The following CCSER1 variants were observed in gnomAD, a reference collection of about 807,000 sequenced individuals.
The protein encoded by CCSER1 is coiled-coil serine rich protein 1, also known as serine-rich coiled-coil domain-containing protein 1.
A neutral mutation model predicts 82.0 loss-of-function variants in CCSER1; 41 were observed. The observed-to-expected ratio is 0.50, with a 90% CI of 0.39 to 0.65. The LOEUF (loss-of-function observed/expected upper bound fraction) is 0.65. Ranked by LOEUF, CCSER1 falls within the 30% of genes least tolerant of loss-of-function variation. The pLI is 0.00. For synonymous variants in CCSER1, 414 were observed against 383.9 expected (o/e 1.08, Z -0.92); for missense variants, 1,119 against 1,064.2 (o/e 1.05, Z -0.72).
At chr4:91,164,392 C>T (rs1174301125) in intron 10 of CCSER1, among the ~76,000 whole-genome samples, 1 of 152,118 alleles carries the variant, frequency 6.6e-6, no homozygotes, top group Non-Finnish European at 1.5e-5. Flanking sequence ...CTTGGTGAAT[C>T]TGACAATTAT....
intron 1 of CCSER1, among the ~76,000 whole-genome samples, chr4:90,234,859 C>A (rs116540703): frequency 1.3e-5 from 2 of 152,114 alleles, no homozygotes; most frequent in Non-Finnish European, 2.9e-5. Context: ...TTAGTTTTAA[C>A]CCAGTTATGG....
chr4:90,970,663 T>A (rs1253574793), intron 9 of CCSER1, among the ~76,000 whole-genome samples: 1 of 151,970 alleles, frequency 6.6e-6, no homozygotes, highest in Admixed American at 6.6e-5. Flanking sequence ...ACCTATGACA[T>A]CTTTCAAGAT....
intron 9 of CCSER1, among the ~76,000 whole-genome samples, chr4:91,005,903 GCTCT>G (rs1378876606): frequency 6.6e-6 from 1 of 152,108 alleles, no homozygotes; most frequent in East Asian, 1.9e-4. Flanking sequence ...TTACTTCTGA[GCTCT>G]CTATTCTGTT....
chr4:90,324,652 T>A (rs1442920699), intron 3 of CCSER1, among the ~76,000 whole-genome samples: 4 of 151,140 alleles, frequency 2.6e-5, no homozygotes, highest in East Asian at 1.9e-4. Flanking sequence ...TTTCTTTTGC[T>A]GTGCAGAAGC....
intron 9 of CCSER1, among the ~76,000 whole-genome samples, chr4:91,085,040 T>C (rs1184196277): frequency 2.6e-5 from 4 of 152,024 alleles, no homozygotes; most frequent in Admixed American, 2.0e-4. Flanking sequence ...TAGTATCTTC[T>C]TAAATTCAAA....
intron 8 of CCSER1, among the ~76,000 whole-genome samples, chr4:90,889,064 C>T (rs187040186): frequency 1.5e-4 from 23 of 152,010 alleles, no homozygotes; most frequent in Admixed American, 2.0e-4. Context: ...GGTAAAAGAA[C>T]GGAAGAAATC....
intron 9 of CCSER1, among the ~76,000 whole-genome samples, chr4:91,027,481 T>C (rs1192612872): frequency 2.0e-5 from 3 of 152,058 alleles, no homozygotes; most frequent in African/African-American, 7.2e-5. Context: ...AGTTTTTCCA[T>C]CAATAAAGAC....
chr4:91,092,762 T>C lies in CCSER1; in HGVS notation c.2217+6768T>C, dbSNP rs570614053. ...CTGCCTGAAGAAAGTCTTTTTCCTC[T>C]TTAGAAGAAGTAGGCACCAGATCAG... On this transcript the variant is annotated intron_variant, in intron 10 of 10. Coordinates refer to ENST00000509176, the MANE Select transcript of CCSER1 (RefSeq NM_001145065.2). Among the ~76,000 whole-genome samples the C allele has an allele frequency of 3.9e-5, 6 of 152,246 alleles. No individual in the cohort carries two copies. The East Asian group carries it at 1.2e-3, about 30-fold the overall frequency.
chr4:91,178,638 T>G (rs189629766), intron 10 of CCSER1, among the ~76,000 whole-genome samples: 2 of 152,314 alleles, frequency 1.3e-5, no homozygotes. Flanking sequence ...ACCCTACCTT[T>G]TTTTATTTTC....
At chr4:91,549,411 GC>G (rs1168056306) in intron 10 of CCSER1, among the ~76,000 whole-genome samples, 1 of 152,070 alleles carries the variant, frequency 6.6e-6, no homozygotes, top group Non-Finnish European at 1.5e-5. Context: ...CTTTTAGTGT[GC>G]TTTGTAATTT....
chr4:91,049,131 C>T (rs1013758553), intron 9 of CCSER1, among the ~76,000 whole-genome samples: 8 of 151,992 alleles, frequency 5.3e-5, no homozygotes, highest in Non-Finnish European at 1.2e-4. Flanking sequence ...AATATTTATC[C>T]ATTTAATAAA....
rs561572362 is a variant in CCSER1, at chr4:90,871,360, G to T, written c.2095-52010G>T. Among the ~76,000 whole-genome samples, 45 of 151,624 alleles carry T rather than the reference G, an allele frequency of 3.0e-4. No homozygotes were observed. The South Asian group carries it at 9.4e-3, about 32-fold the overall frequency. The stretch of plus-strand genomic sequence containing the variant: ...CTTGCGCTGTATCCCATAGATGTTG[G>T]TATGTTGATCCATGTTCATCTGTTT... On this transcript the variant is annotated intron_variant, in intron 8 of 10. Coordinates refer to ENST00000509176, the MANE Select transcript of CCSER1 (RefSeq NM_001145065.2).
chr4:90,362,993 A>T (rs1745633274), intron 3 of CCSER1, among the ~76,000 whole-genome samples: 1 of 152,082 alleles, frequency 6.6e-6, no homozygotes, highest in African/African-American at 2.4e-5. Context: ...TGGATCTGGG[A>T]TATTTATTTA....
chr4:90,962,113 C>G (rs976539764), intron 9 of CCSER1, among the ~76,000 whole-genome samples: 1 of 151,996 alleles, frequency 6.6e-6, no homozygotes, highest in Admixed American at 6.6e-5. Flanking sequence ...TTTAGAAGTT[C>G]AGTAACTTGT....
At chr4:91,022,249 G>C (rs1740054656) in intron 9 of CCSER1, among the ~76,000 whole-genome samples, 1 of 150,504 alleles carries the variant, frequency 6.6e-6, no homozygotes, top group African/African-American at 2.5e-5. Flanking sequence ...AGAACATGCG[G>C]TGTTTGGTTT....
At chr4:91,428,551 C>T (rs934824599) in intron 10 of CCSER1, among the ~76,000 whole-genome samples, 1 of 152,044 alleles carries the variant, frequency 6.6e-6, no homozygotes, top group African/African-American at 2.4e-5. Flanking sequence ...AGTACATCAT[C>T]ACTGGATGGT....
intron 5 of CCSER1, among the ~76,000 whole-genome samples, chr4:90,500,024 T>C (rs1021068543): frequency 6.6e-6 from 1 of 152,212 alleles, no homozygotes; most frequent in African/African-American, 2.4e-5. Context: ...CTGCATCTAA[T>C]GTTCCTTTCT....
intron 1 of CCSER1, among the ~76,000 whole-genome samples, chr4:90,258,248 C>G (rs1049585262): frequency 6.6e-6 from 1 of 152,202 alleles, no homozygotes; most frequent in Non-Finnish European, 1.5e-5. Flanking sequence ...GGCACGGTGG[C>G]TCATGCCTGT....
intron 1 of CCSER1, among the ~76,000 whole-genome samples, chr4:90,253,142 A>G (rs1030881536): frequency 2.0e-5 from 3 of 152,016 alleles, no homozygotes; most frequent in Admixed American, 6.6e-5. Flanking sequence ...TTGTGCTATT[A>G]TAAATATGTT....
Sources: gnomAD v4.1 joint callset for allele counts (sites outside exome capture counted in the v4.1 genomes callset) on GRCh38, gnomAD v4.1.1 for gene constraint, MANE v1.5 for transcripts, NCBI Gene and HGNC (gene_info 2026-07-23, HGNC 2026-07-21) for gene names.